EFR3B: variants seen among roughly 807,000 people sequenced by gnomAD.
EFR3B encodes EFR3 homolog B.
A neutral mutation model predicts 104.7 loss-of-function variants in EFR3B; 64 were observed. The observed-to-expected ratio is 0.61, with a 90% confidence interval of 0.50 to 0.75. EFR3B has a LOEUF of 0.75. EFR3B is among the 30% of genes least tolerant of loss of function. The pLI, the probability that EFR3B is intolerant of heterozygous loss-of-function variation, is 0.00. For synonymous variants in EFR3B, 385 were observed against 417.9 expected, an observed-to-expected ratio of 0.92 and a Z score of 0.96; for missense variants, 750 against 1,078.5, an observed-to-expected ratio of 0.70 and a Z score of 4.27.
intron 16 of EFR3B, 80 bp from the exon 17 acceptor site, chr2:25,141,286 G>A (rs994360628): frequency 2.8e-6 from 4 of 1,453,342 alleles, no homozygotes; most frequent in Non-Finnish European, 2.8e-6. Flanking sequence ...GCACCGAGCC[G>A]GGCATGGGAG....
At chr2:25,134,665 ACT>A (rs1670473550) in intron 12 of EFR3B, among the ~76,000 whole-genome samples, 1 of 149,578 alleles carries the variant, frequency 6.7e-6, no homozygotes, top group African/African-American at 2.5e-5. Context: ...TCCAGTCCAC[ACT>A]CTTCATGGCA....
chr2:25,151,868 C>G (rs1343220006), intron 20 of EFR3B, 46 bp from the exon 21 acceptor site: 2 of 1,544,552 alleles, frequency 1.3e-6, no homozygotes, highest in East Asian at 4.9e-5. Flanking sequence ...CCTCCCTTCA[C>G]CTCAGTGAGC....
At position 25,130,506 on chromosome 2, in the gene EFR3B, C is replaced by T. The variant is rs561312942; in HGVS notation, c.771-46C>T. On this transcript the variant is annotated intron_variant, in intron 7 of 22. Transcript: ENST00000403714. The surrounding 1 kb of genome is among the most constrained non-coding windows in gnomAD (Gnocchi z 4.6). Reference sequence around the variant, plus strand: ...CCAAGCTAATCTCTTCTCCCTAACACTGCCGGGAGTTTCATAGTTGTTCCC... The same window carrying T: ...CCAAGCTAATCTCTTCTCCCTAACATTGCCGGGAGTTTCATAGTTGTTCCC... 1 of 1,469,988 alleles carries T rather than the reference C, an allele frequency of 6.8e-7. No homozygotes were observed. Among genetic ancestry groups the T allele is most frequent in the Non-Finnish European group, 9.3e-7 (1 of 1,072,668 alleles). The allele number at this position is 1,469,988 out of a possible 1,614,324, so 91.1% of individuals were successfully genotyped here.
At chr2:25,144,812 A>G (rs956560980) in intron 18 of EFR3B, 148 bp from the exon 19 acceptor site, 13 of 636,398 alleles carry the variant, frequency 2.0e-5, no homozygotes, top group Non-Finnish European at 3.5e-5. Context: ...GGAAGCTTCT[A>G]TAAACTCCAA....
chr2:25,106,018 A>G (rs1669553028), intron 4 of EFR3B, among the ~76,000 whole-genome samples: 1 of 152,234 alleles, frequency 6.6e-6, no homozygotes, highest in Non-Finnish European at 1.5e-5. Context: ...GCAGCTTGGA[A>G]GGCAGCCTTT....
intron 3 of EFR3B, among the ~76,000 whole-genome samples, chr2:25,098,503 G>T (rs949444753): frequency 1.3e-5 from 2 of 152,060 alleles, no homozygotes; most frequent in South Asian, 4.1e-4. Flanking sequence ...CTTCTAACTC[G>T]GGGATCCCAG....
Position 25,130,110 on chromosome 2 carries a change from G to A in EFR3B, c.770+1G>A. ...AAAACGCCATCAAGCCTGTTCTCAT[G>A]TGAGTGCCCCCACCCACTGCCTTGG... On this transcript the variant is annotated splice_donor_variant, in intron 7 of 22. Coordinates refer to ENST00000403714, the MANE Select transcript of EFR3B (RefSeq NM_014971.2). LOFTEE classifies it high-confidence loss of function. The surrounding 1 kb of genome is among the most constrained non-coding windows in gnomAD (Gnocchi z 4.6). The A allele has an allele frequency of 6.4e-7, 1 of 1,551,890 alleles. No homozygotes were observed. The highest frequency in any genetic ancestry group is 1.2e-5 in the South Asian group (1 of 84,064).
chr2:25,062,393 A>G (rs1668220429), intron 1 of EFR3B, among the ~76,000 whole-genome samples: 1 of 152,236 alleles, frequency 6.6e-6, no homozygotes, highest in African/African-American at 2.4e-5. Flanking sequence ...GTCAAAACTC[A>G]AGGTACTGAA....
intron 1 of EFR3B, among the ~76,000 whole-genome samples, chr2:25,049,988 G>A (rs1667822713): frequency 6.6e-6 from 1 of 151,380 alleles, no homozygotes; most frequent in African/African-American, 2.4e-5. Context: ...AAATTAGCCA[G>A]GGGTGGTGGC....
Position 25,042,302 on chromosome 2 carries a change from G to A in EFR3B, c.-11G>A, listed in dbSNP as rs1038173154. The A allele has an allele frequency of 2.3e-6, 3 of 1,291,410 alleles. No individual in the cohort carries two copies. The highest frequency in any genetic ancestry group is 4.2e-5 in the Admixed American group (1 of 24,066). The allele number at this position is 1,291,410 out of a possible 1,614,324, so 80.0% of individuals were successfully genotyped here. On this transcript the variant is annotated 5_prime_UTR_variant, in exon 1 of 23. Coordinates refer to ENST00000403714, the MANE Select transcript of EFR3B (RefSeq NM_014971.2). This position sits in a 1 kb window ranked among gnomAD's most constrained non-coding sequence, Gnocchi z 5.4. Reference sequence around the variant, plus strand: ...GACGCCGGCCTCTCGAGAGGCGCGCGCCCCGCCGAGATGTACGGTAAGGAG... The same window carrying A: ...GACGCCGGCCTCTCGAGAGGCGCGCACCCCGCCGAGATGTACGGTAAGGAG...
At chr2:25,046,154 G>T (rs1667710293) in intron 1 of EFR3B, among the ~76,000 whole-genome samples, 1 of 152,122 alleles carries the variant, frequency 6.6e-6, no homozygotes, top group African/African-American at 2.4e-5. Flanking sequence ...GGGAGGCCAG[G>T]GTGGGTGGAT....
At chr2:25,141,998 T>A (rs1670680217) in intron 17 of EFR3B, among the ~76,000 whole-genome samples, 1 of 152,186 alleles carries the variant, frequency 6.6e-6, no homozygotes, top group Non-Finnish European at 1.5e-5. Flanking sequence ...TATCTGTGTA[T>A]ATTTAAAAAT....
rs1669121806 is a variant in EFR3B at position 25,091,541 on chromosome 2, G to T, written c.84+140G>T. 7 of 722,386 alleles carry T rather than the reference G, an allele frequency of 9.7e-6. 1 individual carries two copies. In the South Asian group the frequency reaches 1.4e-4, roughly 14 times the overall value. 44.7% of individuals were successfully genotyped at this position (722,386 alleles called of 1,614,324 possible). A position where few individuals can be genotyped will look rare whatever the true frequency, so the allele number is the denominator to read the frequency against. Reference sequence around the variant, plus strand: ...TCCCTGGGCACTGAGCCTTCCCAGAGAAACTGGAACCTGGGCTACAGCCAT... The same window carrying T: ...TCCCTGGGCACTGAGCCTTCCCAGATAAACTGGAACCTGGGCTACAGCCAT... On this transcript the variant is annotated intron_variant, in intron 2 of 22. Transcript: ENST00000403714.
intron 1 of EFR3B, among the ~76,000 whole-genome samples, chr2:25,081,857 C>T (rs537970858): frequency 3.3e-5 from 5 of 152,202 alleles, no homozygotes; most frequent in East Asian, 1.9e-4. Flanking sequence ...TGCTGGGTTA[C>T]TAGTAGGGAG....
intron 4 of EFR3B, among the ~76,000 whole-genome samples, chr2:25,104,202 A>AT (rs1391237378): frequency 6.6e-6 from 1 of 151,786 alleles, no homozygotes; most frequent in Non-Finnish European, 1.5e-5. Context: ...ACAAAAAAAA[A>AT]CAAAAACAAA....
chr2:25,083,688 T>TA (rs1484789782), intron 1 of EFR3B, among the ~76,000 whole-genome samples: 10 of 152,174 alleles, frequency 6.6e-5, no homozygotes, highest in African/African-American at 2.2e-4. Context: ...CAGCTTTGAT[T>TA]ACCTACCCAG....
At chr2:25,046,901 A>G (rs1435719244) in intron 1 of EFR3B, among the ~76,000 whole-genome samples, 1 of 152,094 alleles carries the variant, frequency 6.6e-6, no homozygotes, top group African/African-American at 2.4e-5. Flanking sequence ...CACATAAACC[A>G]GCCTCCTCCC....
chr2:25,095,412 C>G (rs774119912), intron 3 of EFR3B, among the ~76,000 whole-genome samples: 19 of 152,066 alleles, frequency 1.2e-4, no homozygotes, highest in Non-Finnish European at 2.5e-4. Flanking sequence ...AACGAACATA[C>G]TGGCCAGGTG....
At chr2:25,055,529 C>T (rs1667992171) in intron 1 of EFR3B, among the ~76,000 whole-genome samples, 1 of 152,158 alleles carries the variant, frequency 6.6e-6, no homozygotes, top group Non-Finnish European at 1.5e-5. Context: ...ATTCAGAAGC[C>T]AGGAGTCTTG....
Sources: allele counts gnomAD v4.1 joint callset (sites outside exome capture counted in the v4.1 genomes callset), GRCh38; gene constraint gnomAD v4.1.1; non-coding constraint Gnocchi (gnomAD v3.1); transcripts MANE v1.5; gene names NCBI Gene and HGNC (gene_info 2026-07-23, HGNC 2026-07-21).